SPICE1: variants seen among roughly 807,000 people sequenced by gnomAD.
SPICE1 encodes the protein spindle and centriole associated protein 1.
Under a neutral mutation model 102.7 loss-of-function variants are expected in SPICE1, and 75 were observed. The ratio of observed to expected loss-of-function variants is 0.73; its 90% CI spans 0.61 to 0.88. The LOEUF (loss-of-function observed/expected upper bound fraction) is 0.88. Among genes scored for constraint, SPICE1 ranks in the 40% least tolerant of loss-of-function variants. The pLI, the probability that SPICE1 is intolerant of heterozygous loss-of-function variation, is 0.00. For missense variants in SPICE1, 979 were observed against 1,020.1 expected, an observed-to-expected ratio of 0.96 and a Z score of 0.55; for synonymous variants, 308 against 350.3, an observed-to-expected ratio of 0.88 and a Z score of 1.35.
intron 7 of SPICE1, among the ~76,000 whole-genome samples, chr3:113,480,763 C>T (rs1208576667): frequency 6.6e-6 from 1 of 151,704 alleles, no homozygotes; most frequent in Non-Finnish European, 1.5e-5. Flanking sequence ...TGCCTGTAGT[C>T]CCGGCTACTA....
chr3:113,506,573 G>A lies in SPICE1; in HGVS notation c.33C>T (p.Pro11=). 1 of 1,612,894 alleles carries A rather than the reference G, an allele frequency of 6.2e-7. No homozygotes were observed. Among genetic ancestry groups the A allele is most frequent in the Non-Finnish European group, 8.5e-7 (1 of 1,179,640 alleles). Residue 11 remains proline (P), a synonymous_variant, in exon 2 of 18, where the codon CCC becomes CCT. Coordinates refer to ENST00000295872, the MANE Select transcript of SPICE1 (RefSeq NM_144718.4). The part of the protein sequence containing the change: MSFVRVNRCG[P]RVGVRKTPKV... ...TCGGTGTCTTTCTTACACCAACTCG[G>A]GGACCACAGCGGTTCACTCTGACAA... is the stretch of plus-strand genomic sequence containing the variant.
At position 113,476,469 on chromosome 3, in the gene SPICE1, A is replaced by G. The variant is rs557782502; in HGVS notation, c.612-7231T>C. ...CATATGGAACCGAAAAAGAGCCTGC[A>G]TCACCAAGTCAATCCTAAGCCAAAA... On this transcript the variant is annotated intron_variant, in intron 7 of 17. Transcript: ENST00000295872. Among the ~76,000 whole-genome samples, 6 of 148,770 alleles carry G rather than the reference A, an allele frequency of 4.0e-5. No homozygotes were observed. The South Asian group carries it at 1.3e-3, about 31-fold the overall frequency.
intron 2 of SPICE1, among the ~76,000 whole-genome samples, chr3:113,504,503 G>A (rs1034824510): frequency 3.4e-5 from 5 of 148,906 alleles, no homozygotes; most frequent in Non-Finnish European, 7.4e-5. Flanking sequence ...AGGAGGCCGA[G>A]GCAGGAAGAT....
At chr3:113,498,577 T>C (rs1217607935) in intron 4 of SPICE1, among the ~76,000 whole-genome samples, 1 of 152,226 alleles carries the variant, frequency 6.6e-6, no homozygotes, top group Admixed American at 6.5e-5. Flanking sequence ...ACTGTTCTTT[T>C]CTCAAGCTCA....
chr3:113,467,403 T>G (rs1936085636), intron 10 of SPICE1, among the ~76,000 whole-genome samples: 1 of 152,338 alleles, frequency 6.6e-6, no homozygotes, highest in Non-Finnish European at 1.5e-5. Flanking sequence ...GTAATTCTCC[T>G]GCCTCAGCCT....
rs540843505 is a variant in SPICE1, at chr3:113,446,745, C to A, written c.2427-69G>T. 1.1e-5 allele frequency: 14 copies of A among 1,238,404 alleles called. No individual in the cohort carries two copies. The East Asian group carries it at 2.9e-4, about 26-fold the overall frequency. 76.7% of individuals were successfully genotyped at this position (1,238,404 alleles called of 1,614,324 possible). On this transcript the variant is annotated intron_variant, in intron 16 of 17. Coordinates refer to ENST00000295872, the MANE Select transcript of SPICE1 (RefSeq NM_144718.4). ...TATTAACCTTAAAAGATTATGCAAA[C>A]AACTGACAATTCTCAATACTGGCAA...
At chr3:113,514,589 G>A in intron 1 of SPICE1, 1 of 460,150 alleles carries the variant, frequency 2.2e-6, no homozygotes, top group South Asian at 1.6e-5. Flanking sequence ...TTTTCCCTCT[G>A]CTTGGAACAC....
At chr3:113,453,444 T>C in intron 14 of SPICE1, 22 bp downstream of exon 14, 2 of 1,570,620 alleles carry the variant, frequency 1.3e-6, no homozygotes, top group Non-Finnish European at 1.7e-6. Context: ...ATGTCCCTAA[T>C]CAATCCTTAA....
chr3:113,445,406 A>T, intron 17 of SPICE1, 46 bp from the exon 18 acceptor site: 1 of 1,493,764 alleles, frequency 6.7e-7, no homozygotes, highest in Non-Finnish European at 9.3e-7. Context: ...AATTAGAAAC[A>T]TGAGACTACT....
intron 17 of SPICE1, 128 bp downstream of exon 17, chr3:113,446,458 TTTC>T: frequency 1.4e-6 from 1 of 726,978 alleles, no homozygotes; most frequent in Non-Finnish European, 2.3e-6. Context: ...TAAATTAGTA[TTTC>T]TTTTCTTTTA....
At chr3:113,498,303 C>T (rs1936939868) in intron 4 of SPICE1, among the ~76,000 whole-genome samples, 1 of 152,152 alleles carries the variant, frequency 6.6e-6, no homozygotes, top group Admixed American at 6.5e-5. Context: ...CATCACTCAT[C>T]GTCTCTCACC....
intron 2 of SPICE1, 117 bp downstream of exon 2, chr3:113,506,390 C>A: frequency 1.3e-6 from 1 of 784,872 alleles, no homozygotes. Flanking sequence ...GAAACCTATT[C>A]CACCCTATTA....
chr3:113,479,437 C>T (rs1296456405), intron 7 of SPICE1, among the ~76,000 whole-genome samples: 5 of 151,742 alleles, frequency 3.3e-5, no homozygotes, highest in Admixed American at 6.6e-5. Context: ...AATAAACATA[C>T]GTGTGCATGT....
intron 10 of SPICE1, among the ~76,000 whole-genome samples, chr3:113,466,037 AG>A (rs1936048146): frequency 6.6e-6 from 1 of 152,202 alleles, no homozygotes; most frequent in South Asian, 2.1e-4. Context: ...TTTTGTAAAA[AG>A]AAAGTAGAGG....
At position 113,486,156 on chromosome 3, in the gene SPICE1, C is replaced by CATATATATAT. The variant is rs61506451; in HGVS notation, c.611+2779_611+2788dup. On this transcript the variant is annotated intron_variant, in intron 7 of 17. Transcript: ENST00000295872. ...AAATACTGAAAATAACCTAAATGAC[C>CATATATATAT]ATATATATATATATATAGTATATCA... Among the ~76,000 whole-genome samples the CATATATATAT allele has an allele frequency of 7.3e-3, 1,043 of 141,998 alleles. 15 individuals carry two copies. The highest frequency in any genetic ancestry group is 0.025 in the African/African-American group (969 of 38,070). 93.2% of individuals were successfully genotyped at this position (141,998 alleles called of 152,430 possible). A position where few individuals can be genotyped will look rare whatever the true frequency, so the allele number is the denominator to read the frequency against.
In SPICE1 at chr3:113,453,936, CAG is replaced by C. The variant is rs1444159935; in HGVS notation, c.1670_1671del (p.Thr557SerfsTer17). On this transcript the variant is annotated frameshift_variant, in exon 14 of 18. Coordinates refer to ENST00000295872, the MANE Select transcript of SPICE1 (RefSeq NM_144718.4). LOFTEE classifies it high-confidence loss of function. ...FSPLQDVLRR[T>X]VQTRPAPRLP... ...AGTCGTGGAGCAGGACGAGTTTGAA[CAG>C]TCCTTCTCAATACTATAGATAAGAA... 1 of 1,611,390 alleles carries C rather than the reference CAG, an allele frequency of 6.2e-7. No individual in the cohort carries two copies.
chr3:113,454,031 T>C (rs904286817), intron 13 of SPICE1, 81 bp from the exon 14 acceptor site: 33 of 1,295,342 alleles, frequency 2.5e-5, no homozygotes, highest in Non-Finnish European at 3.4e-5. Context: ...TAGCCCACCA[T>C]GGTAGTTAGA....
chr3:113,456,416 T>C (rs1935779456), intron 13 of SPICE1, among the ~76,000 whole-genome samples: 1 of 152,142 alleles, frequency 6.6e-6, no homozygotes, highest in South Asian at 2.1e-4. Context: ...GTTCTTTTTT[T>C]GACTAAAGAC....
intron 14 of SPICE1, among the ~76,000 whole-genome samples, chr3:113,451,646 G>A (rs1935655832): frequency 6.6e-6 from 1 of 152,082 alleles, no homozygotes; most frequent in African/African-American, 2.4e-5. Context: ...TTTAAACCAA[G>A]AGTTGCCTGT....
Sources: allele counts gnomAD v4.1 joint callset (sites outside exome capture counted in the v4.1 genomes callset), GRCh38; gene constraint gnomAD v4.1.1; transcripts MANE v1.5; gene names NCBI Gene and HGNC (gene_info 2026-07-23, HGNC 2026-07-21).